The following MYO9A variants were observed in gnomAD, a reference collection of about 807,000 sequenced individuals.
MYO9A encodes the protein unconventional myosin-IXa.
Under a neutral mutation model 293.3 loss-of-function variants are expected in MYO9A, and 103 were observed. The observed-to-expected ratio is 0.35, with a 90% CI of 0.30 to 0.41. The LOEUF is 0.41. Among genes scored for constraint, MYO9A ranks in the 10% least tolerant of loss-of-function variants. MYO9A has a pLI of 1.00. For missense variants in MYO9A, 2,685 were observed against 3,033.0 expected (o/e 0.89, Z 2.69); for synonymous variants, 1,001 against 1,035.7 (o/e 0.97, Z 0.64).
At chr15:71,852,359 T>TTTA in intron 35 of MYO9A, 99 bp from the exon 36 acceptor site, 5 of 1,175,424 alleles carry the variant, frequency 4.3e-6, no homozygotes, top group South Asian at 1.9e-5. Flanking sequence ...AGGCTTCATG[T>TTTA]TTCTTTTTTT....
intron 19 of MYO9A, among the ~76,000 whole-genome samples, chr15:71,913,434 TCAC>T (rs1183249254): frequency 6.6e-6 from 1 of 152,222 alleles, no homozygotes; most frequent in Non-Finnish European, 1.5e-5. Flanking sequence ...GACTCTGTCA[TCAC>T]CTTCCAAAAT....
chr15:71,923,304 G>A (rs1243434438), intron 18 of MYO9A, among the ~76,000 whole-genome samples: 1 of 152,158 alleles, frequency 6.6e-6, no homozygotes, highest in Non-Finnish European at 1.5e-5. Flanking sequence ...ATGCATCCAT[G>A]TTCAATCAGA....
intron 2 of MYO9A, among the ~76,000 whole-genome samples, chr15:72,039,644 C>T (rs2078165972): frequency 6.6e-6 from 1 of 151,804 alleles, no homozygotes; most frequent in Admixed American, 6.6e-5. Context: ...GCCTGGCCTA[C>T]ATGGAGAAAC....
At chr15:72,033,705 G>A (rs2077949426) in intron 2 of MYO9A, among the ~76,000 whole-genome samples, 1 of 152,216 alleles carries the variant, frequency 6.6e-6, no homozygotes, top group South Asian at 2.1e-4. Context: ...TCAATTCTGT[G>A]ATGGTGGTCA....
chr15:72,101,483 C>T (rs1486016793), intron 1 of MYO9A, among the ~76,000 whole-genome samples: 6 of 123,134 alleles, frequency 4.9e-5, no homozygotes, highest in African/African-American at 1.5e-4. Context: ...CAGCCCCCCG[C>T]CCGGCCAGCC....
At chr15:71,958,770 A>T (rs921375132) in intron 14 of MYO9A, 1 of 152,254 alleles carries the variant, frequency 6.6e-6, no homozygotes, top group African/African-American at 2.4e-5. Flanking sequence ...TCTAGACTTT[A>T]TCAAGGTAGA....
At chr15:72,002,648 C>T (rs974247494) in intron 8 of MYO9A, among the ~76,000 whole-genome samples, 32 of 151,930 alleles carry the variant, frequency 2.1e-4, no homozygotes, top group Non-Finnish European at 4.1e-4. Flanking sequence ...ATATAAAGAC[C>T]GAAAACATGC....
chr15:72,074,426 C>T (rs73436331), intron 1 of MYO9A, among the ~76,000 whole-genome samples: 1 of 151,428 alleles, frequency 6.6e-6, no homozygotes. Flanking sequence ...CTGAAAAAAA[C>T]AACAACAACA....
At chr15:72,068,234 A>G (rs2079077800) in intron 1 of MYO9A, among the ~76,000 whole-genome samples, 1 of 152,188 alleles carries the variant, frequency 6.6e-6, no homozygotes, top group African/African-American at 2.4e-5. Context: ...TATGAGATAA[A>G]GAATGTCCTA....
chr15:71,918,440 G>A (rs898010064), intron 18 of MYO9A, among the ~76,000 whole-genome samples: 3 of 151,974 alleles, frequency 2.0e-5, no homozygotes, highest in Non-Finnish European at 4.4e-5. Flanking sequence ...AGCTCATAAA[G>A]TTACTGTAAA....
intron 14 of MYO9A, among the ~76,000 whole-genome samples, chr15:71,957,518 T>C (rs75165083): frequency 0.011 from 1,720 of 152,278 alleles, 31 homozygotes; most frequent in African/African-American, 0.039. Flanking sequence ...TTTAAATCTA[T>C]TAAGTACTAG....
intron 1 of MYO9A, among the ~76,000 whole-genome samples, chr15:72,101,136 C>A (rs2080291410): frequency 1.4e-5 from 2 of 142,988 alleles, no homozygotes; most frequent in African/African-American, 2.6e-5. Flanking sequence ...GCCTCCCGCC[C>A]GGCCAGCCGC....
At chr15:71,944,198 T>C (rs2058852948) in intron 15 of MYO9A, among the ~76,000 whole-genome samples, 1 of 152,126 alleles carries the variant, frequency 6.6e-6, no homozygotes, top group African/African-American at 2.4e-5. Context: ...CTGGCCTGTT[T>C]ATCTTATTAT....
At chr15:72,050,532 T>C in intron 1 of MYO9A, among the ~76,000 whole-genome samples, 1 of 152,146 alleles carries the variant, frequency 6.6e-6, no homozygotes, top group East Asian at 1.9e-4. Context: ...GCGTGGACCC[T>C]GGAGGCAGAG....
Position 71,830,206 on chromosome 15 carries a change from C to T in MYO9A, c.6943G>A (p.Ala2315Thr). 1 of 1,614,092 alleles carries T rather than the reference C, an allele frequency of 6.2e-7. No homozygotes were observed. Among genetic ancestry groups the T allele is most frequent in the Non-Finnish European group, 8.5e-7 (1 of 1,179,988 alleles). Residue 2315 changes from alanine to threonine, a missense_variant, in exon 40 of 42, where the codon GCA (alanine) becomes ACA (threonine). By Grantham distance (58) the Ala-to-Thr change is moderately conservative (BLOSUM62 0). Around this residue, in one of 10 missense-constraint regions of MYO9A, gnomAD observed 350 missense variants for 328.9 expected, o/e 1.06. Transcript: ENST00000356056. ...TCTGTGATGTCAGTCTCCATGGCTG[C>T]CTCACTAGTCAAGGTCTCCTCTGAG... is the stretch of plus-strand genomic sequence containing the variant. ...DVSEETLTSE[A>T]AMETDITEQQ...
rs754239920 is a variant in MYO9A at position 72,046,239 on chromosome 15, C to G, written c.325G>C (p.Glu109Gln). The change falls in exon 2 of 42, where the codon GAG (glutamate) becomes CAG (glutamine). Residue 109 changes from glutamate (E) to glutamine (Q), a missense_variant. Around this residue, in one of 10 missense-constraint regions of MYO9A, gnomAD observed 63 missense variants for 57.9 expected, o/e 1.09. Coordinates refer to ENST00000356056, the MANE Select transcript of MYO9A (RefSeq NM_006901.4). ...TGGATTGATCCATCAAGGTTTTTCTCTCTCAGAAGGAAGCGGTAGTCCTCT... is the reference window on the plus strand; with the variant it reads ...TGGATTGATCCATCAAGGTTTTTCTGTCTCAGAAGGAAGCGGTAGTCCTCT... ...SGEDYRFLLREKNLDGSIHYG... is the reference protein window; with the variant it reads ...SGEDYRFLLRQKNLDGSIHYG... 25 of 1,613,696 alleles carry G rather than the reference C, an allele frequency of 1.5e-5. No individual in the cohort carries two copies. Among genetic ancestry groups the G allele is most frequent in the Non-Finnish European group, 2.0e-5 (24 of 1,179,796 alleles).
chr15:71,907,862 A>G (rs2057715101), intron 19 of MYO9A, among the ~76,000 whole-genome samples: 1 of 152,164 alleles, frequency 6.6e-6, no homozygotes, highest in Non-Finnish European at 1.5e-5. Flanking sequence ...TCAGATGAGT[A>G]GATTGCAAAA....
intron 9 of MYO9A, chr15:71,999,143 T>A (rs962253192): frequency 2.0e-5 from 3 of 152,192 alleles, no homozygotes; most frequent in African/African-American, 7.2e-5. Context: ...CACAATTTCC[T>A]CACCTGTCTT....
chr15:72,101,248 G>C (rs1466905922), intron 1 of MYO9A, among the ~76,000 whole-genome samples: 2 of 125,718 alleles, frequency 1.6e-5, no homozygotes, highest in Non-Finnish European at 1.7e-5. Flanking sequence ...GAGGTGGGGG[G>C]GTCAGCCCCC....
Sources: gnomAD v4.1 joint callset for allele counts (sites outside exome capture counted in the v4.1 genomes callset) on GRCh38, gnomAD v4.1.1 for gene constraint, gnomAD v4.1.1 regional missense constraint, MANE v1.5 for transcripts, NCBI Gene and HGNC (gene_info 2026-07-23, HGNC 2026-07-21) for gene names.